Variants in MAGI1 observed in about 807,000 individuals in gnomAD.
The protein encoded by MAGI1 is membrane-associated guanylate kinase, WW and PDZ domain-containing protein 1.
Under a neutral mutation model 139.9 loss-of-function variants are expected in MAGI1, and 58 were observed. The ratio of observed to expected loss-of-function variants is 0.41; its 90% CI spans 0.34 to 0.52. MAGI1 has a LOEUF of 0.52. MAGI1 is among the 20% of genes least tolerant of loss of function. The probability of loss-of-function intolerance (pLI) is 0.12; values close to 1 mark genes in which losing one functional copy is unlikely to be tolerated. For missense variants in MAGI1, 1,874 were observed against 1,901.6 expected, an observed-to-expected ratio of 0.99 and a Z score of 0.27; for synonymous variants, 812 against 737.9, an observed-to-expected ratio of 1.10 and a Z score of -1.63.
intron 2 of MAGI1, among the ~76,000 whole-genome samples, chr3:65,534,835 G>A (rs537944431): frequency 6.6e-6 from 1 of 152,298 alleles, no homozygotes; most frequent in African/African-American, 2.4e-5. Context: ...CAGGGCATCA[G>A]TAGGAGGTTT....
At position 65,727,562 on chromosome 3, in the gene MAGI1, G is replaced by A. The variant is rs893306703; in HGVS notation, c.314-105474C>T. On this transcript the variant is annotated intron_variant, in intron 1 of 22. Transcript: ENST00000402939. ...AGTTACTCCAAATGAAGCTTCCAAT[G>A]AGGAAGATATTTTATGATAAACTGA... Among the ~76,000 whole-genome samples the A allele has an allele frequency of 5.3e-5, 8 of 152,314 alleles. No individual in the cohort carries two copies. The East Asian group carries it at 1.5e-3, about 29-fold the overall frequency.
chr3:65,994,165 T>C (rs1198498869), intron 1 of MAGI1, among the ~76,000 whole-genome samples: 1 of 150,998 alleles, frequency 6.6e-6, no homozygotes, highest in Non-Finnish European at 1.5e-5. Flanking sequence ...TCCTAGCTAC[T>C]TGGGAGACTG....
intron 2 of MAGI1, among the ~76,000 whole-genome samples, chr3:65,495,474 C>T (rs1292972199): frequency 6.6e-6 from 1 of 152,048 alleles, no homozygotes; most frequent in African/African-American, 2.4e-5. Context: ...GTATTCATGG[C>T]ATTATATATT....
chr3:65,618,499 C>T (rs549634017), intron 2 of MAGI1, among the ~76,000 whole-genome samples: 3 of 152,178 alleles, frequency 2.0e-5, no homozygotes, highest in South Asian at 4.2e-4. Flanking sequence ...CCTTCCATTG[C>T]TTCCAAACCC....
intron 1 of MAGI1, among the ~76,000 whole-genome samples, chr3:65,752,488 G>T (rs2036232981): frequency 1.3e-5 from 2 of 152,262 alleles, no homozygotes; most frequent in Non-Finnish European, 2.9e-5. Flanking sequence ...AATCCAAAAT[G>T]GTTGTTCTCC....
chr3:65,696,526 C>T (rs2089208207), intron 1 of MAGI1, among the ~76,000 whole-genome samples: 3 of 151,844 alleles, frequency 2.0e-5, no homozygotes, highest in Admixed American at 2.0e-4. Flanking sequence ...AATGTATTCC[C>T]CACTTATAAT....
At chr3:65,803,720 C>T (rs1428786289) in intron 1 of MAGI1, among the ~76,000 whole-genome samples, 2 of 152,078 alleles carry the variant, frequency 1.3e-5, no homozygotes, top group African/African-American at 4.8e-5. Flanking sequence ...TTCCAGTAGG[C>T]CCCAGTGTCT....
At chr3:65,712,113 CT>C (rs1178666981) in intron 1 of MAGI1, among the ~76,000 whole-genome samples, 1 of 152,188 alleles carries the variant, frequency 6.6e-6, no homozygotes, top group Non-Finnish European at 1.5e-5. Flanking sequence ...TTCTGTTACA[CT>C]CCTCCCATTG....
intron 1 of MAGI1, among the ~76,000 whole-genome samples, chr3:65,923,227 T>TTC (rs2062314466): frequency 9.0e-5 from 1 of 11,130 alleles, no homozygotes; most frequent in African/African-American, 1.7e-3. Flanking sequence ...AACAGACATC[T>TTC]TTTTTTTTTT....
Position 65,357,049 on chromosome 3 carries a change from G to T in MAGI1, c.3718C>A (p.Pro1240Thr). ...VRAGPDRRQH[P>T]SLESSYPPDL... ...GGTGGGTAACTGGACTCCAATGACG[G>T]ATGCTGCCGGCGGTCGGGCCCGGCC... Residue 1240 changes from proline (P) to threonine (T), a missense_variant, in exon 23 of 23, where the codon CCG becomes ACG. Transcript: ENST00000402939. The T allele has an allele frequency of 6.2e-7, 1 of 1,614,192 alleles. No individual in the cohort carries two copies. Among genetic ancestry groups the T allele is most frequent in the South Asian group, 1.1e-5 (1 of 91,088 alleles).
chr3:65,464,026 GC>G (rs2107550257), intron 5 of MAGI1, among the ~76,000 whole-genome samples: 1 of 152,064 alleles, frequency 6.6e-6, no homozygotes, highest in Admixed American at 6.6e-5. Flanking sequence ...TTTCAGGGAT[GC>G]CCTGGCCAGA....
rs1380509065 is a variant in MAGI1 at position 65,430,034 on chromosome 3, T to C, written c.1653A>G (p.Glu551=). Residue 551 remains glutamate (E), a synonymous_variant, in exon 12 of 23, where the codon GAA becomes GAG. Transcript: ENST00000402939. ...SIPIGASVDL[E]LCRGYPLPFD... ...AAGGCAATGGATAACCTCGGCAGAG[T>C]TCAAGGTCCACGCTGGCACCAATGG... is the stretch of plus-strand genomic sequence containing the variant. 6.2e-7 allele frequency: 1 copy of C among 1,613,422 alleles called. No individual in the cohort carries two copies. Among genetic ancestry groups the C allele is most frequent in the East Asian group, 2.2e-5 (1 of 44,828 alleles).
At position 65,788,219 on chromosome 3, in the gene MAGI1, GT is replaced by G. The variant is rs577195398; in HGVS notation, c.314-166132del. ...ACACATATGTTACAAGTGCTTGAAG[GT>G]TTTTCGAATGTTTTTCAAATGCAGT... On this transcript the variant is annotated intron_variant, in intron 1 of 22. Transcript: ENST00000402939. 3.8e-3 allele frequency among the ~76,000 whole-genome samples: 583 copies of G among 152,348 alleles called. 2 individuals carry two copies. The highest frequency in any genetic ancestry group is 0.013 in the African/African-American group (549 of 41,580).
At chr3:65,689,351 A>G (rs1283461870) in intron 1 of MAGI1, among the ~76,000 whole-genome samples, 2 of 152,214 alleles carry the variant, frequency 1.3e-5, no homozygotes, top group Non-Finnish European at 2.9e-5. Flanking sequence ...TAACTGCTCA[A>G]TTCTACCAAA....
intron 1 of MAGI1, among the ~76,000 whole-genome samples, chr3:65,936,980 G>C (rs901740462): frequency 1.3e-5 from 2 of 151,774 alleles, no homozygotes; most frequent in African/African-American, 4.8e-5. Context: ...TGATGGTGGT[G>C]GTGGTGGTGA....
chr3:65,374,806 T>G (rs1023861636), intron 18 of MAGI1, among the ~76,000 whole-genome samples: 1 of 152,074 alleles, frequency 6.6e-6, no homozygotes, highest in African/African-American at 2.4e-5. Context: ...ACCACTTACA[T>G]AAAAGAACCA....
intron 1 of MAGI1, among the ~76,000 whole-genome samples, chr3:65,958,557 T>A (rs2064247794): frequency 6.6e-6 from 1 of 152,086 alleles, no homozygotes; most frequent in African/African-American, 2.4e-5. Flanking sequence ...GAAGCTGAGG[T>A]TAGTGTGGAA....
chr3:65,923,564 A>T (rs1487482102), intron 1 of MAGI1, among the ~76,000 whole-genome samples: 1 of 152,122 alleles, frequency 6.6e-6, no homozygotes, highest in Non-Finnish European at 1.5e-5. Flanking sequence ...TAAAAAGCCC[A>T]CTAGGTACCT....
At chr3:65,896,300 CA>C (rs113756012) in intron 1 of MAGI1, among the ~76,000 whole-genome samples, 17,378 of 134,840 alleles carry the variant, frequency 0.13, 1,878 homozygotes, top group African/African-American at 0.31. Flanking sequence ...GTAATCACGA[CA>C]AAAAAAAAAA....
Sources: gnomAD v4.1 joint callset for allele counts (sites outside exome capture counted in the v4.1 genomes callset) on GRCh38, gnomAD v4.1.1 for gene constraint, MANE v1.5 for transcripts, NCBI Gene and HGNC (gene_info 2026-07-23, HGNC 2026-07-21) for gene names.